CENPP: variants seen among roughly 807,000 people sequenced by gnomAD.
CENPP encodes centromere protein P.
Under a neutral mutation model 35.6 loss-of-function variants are expected in CENPP, and 24 were observed. The observed-to-expected ratio is 0.67, with a 90% CI of 0.49 to 0.95. The LOEUF is 0.95. Ranked by LOEUF, CENPP falls within the 40% of genes least tolerant of loss-of-function variation. CENPP has a pLI of 0.00. For missense variants in CENPP, 332 were observed against 345.3 expected (o/e 0.96, Z 0.31); for synonymous variants, 120 against 125.5 (o/e 0.96, Z 0.29).
intron 4 of CENPP, among the ~76,000 whole-genome samples, chr9:92,357,576 C>G (rs1326411110): frequency 6.6e-6 from 1 of 151,806 alleles, no homozygotes; most frequent in Non-Finnish European, 1.5e-5. Context: ...CTCACCGCAA[C>G]CTCTGCCTCC....
At chr9:92,580,763 T>G (rs1405949924) in intron 5 of CENPP, among the ~76,000 whole-genome samples, 1 of 152,288 alleles carries the variant, frequency 6.6e-6, no homozygotes. Flanking sequence ...GCTCCTGGAT[T>G]CGTTAATTTT....
intron 5 of CENPP, among the ~76,000 whole-genome samples, chr9:92,588,237 G>GAAATAAAAAAA: frequency 6.6e-6 from 1 of 150,678 alleles, no homozygotes; most frequent in South Asian, 2.1e-4. Context: ...TGAGTTTTTT[G>GAAATAAAAAAA]TTTGTTTGTT....
intron 5 of CENPP, among the ~76,000 whole-genome samples, chr9:92,482,696 T>G (rs1005551752): frequency 6.6e-6 from 1 of 152,234 alleles, no homozygotes; most frequent in African/African-American, 2.4e-5. Flanking sequence ...TACCTAGTTT[T>G]AAAAATATTA....
chr9:92,582,686 A>G (rs1201208928), intron 5 of CENPP, among the ~76,000 whole-genome samples: 1 of 151,794 alleles, frequency 6.6e-6, no homozygotes, highest in Non-Finnish European at 1.5e-5. Flanking sequence ...TATGTAATGG[A>G]ATAGAAAAAG....
intron 5 of CENPP, among the ~76,000 whole-genome samples, chr9:92,606,878 G>A (rs751460196): frequency 7.9e-5 from 12 of 152,252 alleles, no homozygotes; most frequent in Non-Finnish European, 1.3e-4. Context: ...CAGGCGAATC[G>A]CTTGAATCCA....
At chr9:92,466,717 C>G in intron 5 of CENPP, 2 of 695,754 alleles carry the variant, frequency 2.9e-6, no homozygotes, top group Non-Finnish European at 4.7e-6. Flanking sequence ...CCAGCCCAAT[C>G]TAAGCTTTTA....
intron 5 of CENPP, among the ~76,000 whole-genome samples, chr9:92,473,548 G>T (rs983576464): frequency 2.0e-5 from 3 of 152,142 alleles, no homozygotes; most frequent in Non-Finnish European, 4.4e-5. Context: ...CTCAGCTTCT[G>T]CATTTCTTGT....
chr9:92,389,884 CT>C, intron 5 of CENPP: 1 of 1,612,640 alleles, frequency 6.2e-7, no homozygotes, highest in Admixed American at 1.7e-5. Context: ...TTCCCCTACT[CT>C]TGATTTTGTT....
chr9:92,431,578 CTTTTCTTTTT>C (rs918735857), intron 5 of CENPP, among the ~76,000 whole-genome samples: 6 of 151,742 alleles, frequency 4.0e-5, no homozygotes, highest in Non-Finnish European at 7.4e-5. Flanking sequence ...CTTTTCTTTT[CTTTTCTTTTT>C]TTCCAAGACA....
intron 5 of CENPP, among the ~76,000 whole-genome samples, chr9:92,513,526 C>T (rs1466208293): frequency 1.3e-5 from 2 of 152,172 alleles, no homozygotes; most frequent in African/African-American, 4.8e-5. Context: ...TACATAATCA[C>T]CCCAAACTGG....
intron 3 of CENPP, 112 bp downstream of exon 3, chr9:92,337,741 G>GC (rs34447341): frequency 1.5e-5 from 11 of 752,612 alleles, no homozygotes; most frequent in Admixed American, 4.5e-5. Flanking sequence ...ATGAGCCAGG[G>GC]CCCCCCCATT....
At chr9:92,419,021 G>A (rs1424870763) in intron 5 of CENPP, among the ~76,000 whole-genome samples, 1 of 152,130 alleles carries the variant, frequency 6.6e-6, no homozygotes, top group African/African-American at 2.4e-5. Flanking sequence ...TCTCCCAGGT[G>A]TTTAAAGTCT....
At chr9:92,385,239 G>A (rs1454019443) in intron 5 of CENPP, 2 of 159,294 alleles carry the variant, frequency 1.3e-5, no homozygotes, top group African/African-American at 4.8e-5. Context: ...ATGCTTTTGG[G>A]ATCCAGTAAA....
At position 92,519,756 on chromosome 9, in the gene CENPP, G is replaced by C. The variant is rs540613190; in HGVS notation, c.565-91558G>C. ...AAAATCCATAGGGGAAAATCTTTAT[G>C]ACCTCATATTTGGCAGTGGATTCTT... On this transcript the variant is annotated intron_variant, in intron 5 of 7. Transcript: ENST00000375587. 2.6e-5 allele frequency among the ~76,000 whole-genome samples: 4 copies of C among 152,244 alleles called. No homozygotes were observed. In the East Asian group the frequency reaches 7.7e-4, roughly 29 times the overall value.
At chr9:92,485,431 T>C (rs530831764) in intron 5 of CENPP, among the ~76,000 whole-genome samples, 1 of 152,354 alleles carries the variant, frequency 6.6e-6, no homozygotes, top group African/African-American at 2.4e-5. Context: ...AAAAGTAATA[T>C]TCTCAGTACT....
intron 5 of CENPP, among the ~76,000 whole-genome samples, chr9:92,588,119 G>A (rs1850582893): frequency 6.6e-6 from 1 of 151,846 alleles, no homozygotes; most frequent in Non-Finnish European, 1.5e-5. Context: ...CAGCCTGGGT[G>A]ACATAGCAAG....
chr9:92,342,394 C>G (rs1841150622), intron 3 of CENPP, among the ~76,000 whole-genome samples: 1 of 152,226 alleles, frequency 6.6e-6, no homozygotes, highest in Admixed American at 6.5e-5. Context: ...CTGTAGATAT[C>G]TTCTTTGAAG....
rs150039286 is a variant in CENPP, at chr9:92,440,465, G to A, written c.564+60606G>A. Among the ~76,000 whole-genome samples, 694 of 152,186 alleles carry A rather than the reference G, an allele frequency of 4.6e-3. 12 individuals carry two copies. The highest frequency in any genetic ancestry group is 0.016 in the African/African-American group (661 of 41,508). On this transcript the variant is annotated intron_variant, in intron 5 of 7. Coordinates refer to ENST00000375587, the MANE Select transcript of CENPP (RefSeq NM_001012267.3). ...ATTCAAAGCCATCCTGGGCTACAGT[G>A]GGCCATGGCTGTGGGTTGGACAAGC...
In CENPP at chr9:92,619,747, C is replaced by T. The variant is rs1311949997; in HGVS notation, c.*6598C>T. Reference sequence around the variant, plus strand: ...AGGTCGCCCTGTGAGAGCACCTGGGCCAGCCCTCAGTGCCACGGGGCTGCT... The same window carrying T: ...AGGTCGCCCTGTGAGAGCACCTGGGTCAGCCCTCAGTGCCACGGGGCTGCT... On this transcript the variant is annotated 3_prime_UTR_variant, in exon 8 of 8. Transcript: ENST00000375587. The T allele has an allele frequency of 6.4e-6, 4 of 621,474 alleles. No homozygotes were observed. The highest frequency in any genetic ancestry group is 1.2e-5 in the Non-Finnish European group (4 of 343,188). 38.5% of individuals were successfully genotyped at this position (621,474 alleles called of 1,614,324 possible). A position where few individuals can be genotyped will look rare whatever the true frequency, so the allele number is the denominator to read the frequency against.
Sources: allele counts gnomAD v4.1 joint callset (sites outside exome capture counted in the v4.1 genomes callset), GRCh38; gene constraint gnomAD v4.1.1; transcripts MANE v1.5; gene names NCBI Gene and HGNC (gene_info 2026-07-23, HGNC 2026-07-21).